Variants in GMDS observed in about 807,000 individuals in gnomAD.
GMDS encodes the protein GDP-mannose 4,6 dehydratase.
GMDS carries 20 observed loss-of-function variants against 49.9 expected under a neutral mutation model. The observed-to-expected ratio is 0.40, with a 90% CI of 0.28 to 0.58. The LOEUF is 0.58. Among genes scored for constraint, GMDS ranks in the 20% least tolerant of loss-of-function variants. The probability of loss-of-function intolerance (pLI) is 0.42; values close to 1 mark genes in which losing one functional copy is unlikely to be tolerated. For synonymous variants in GMDS, 177 were observed against 178.6 expected (o/e 0.99, Z 0.07); for missense variants, 362 against 481.4 (o/e 0.75, Z 2.32).
At chr6:2,110,757 G>A (rs531191378) in intron 4 of GMDS, among the ~76,000 whole-genome samples, 1 of 152,278 alleles carries the variant, frequency 6.6e-6, no homozygotes, top group Admixed American at 6.5e-5. Flanking sequence ...AACTTACACA[G>A]AGACTTGAAA....
chr6:2,005,288 C>G lies in GMDS; in HGVS notation c.346-44322G>C, dbSNP rs140574222. Among the ~76,000 whole-genome samples the G allele has an allele frequency of 4.9e-3, 740 of 152,180 alleles. 11 individuals carry two copies. The highest frequency in any genetic ancestry group is 0.037 in the Middle Eastern group (11 of 294). ...CAATATGTTAAGTATCACTAGGATT[C>G]AGGGAATTCAACTGTATGGTCCAAG... On this transcript the variant is annotated intron_variant, in intron 4 of 10. Coordinates refer to ENST00000380815, the MANE Select transcript of GMDS (RefSeq NM_001500.4).
At chr6:1,711,186 T>G (rs536790475) in intron 9 of GMDS, among the ~76,000 whole-genome samples, 1 of 152,370 alleles carries the variant, frequency 6.6e-6, no homozygotes, top group African/African-American at 2.4e-5. Context: ...AACCCAACTG[T>G]GTGCATCATT....
At chr6:1,699,578 C>G (rs1026670082) in intron 9 of GMDS, among the ~76,000 whole-genome samples, 15 of 152,144 alleles carry the variant, frequency 9.9e-5, no homozygotes, top group African/African-American at 3.4e-4. Context: ...CGCCTACACC[C>G]CTTGGCTCGC....
intron 1 of GMDS, among the ~76,000 whole-genome samples, chr6:2,239,177 A>C (rs1781500029): frequency 6.6e-6 from 1 of 152,120 alleles, no homozygotes; most frequent in South Asian, 2.1e-4. Context: ...AAAAATACAA[A>C]AATTAGTTGG....
chr6:1,808,535 T>A (rs887914641), intron 7 of GMDS, among the ~76,000 whole-genome samples: 2 of 152,208 alleles, frequency 1.3e-5, no homozygotes, highest in South Asian at 4.1e-4. Flanking sequence ...TATTGATCAC[T>A]ATTTAGAGCT....
chr6:2,124,628 T>C, intron 2 of GMDS, 59 bp downstream of exon 2: 1 of 1,247,862 alleles, frequency 8.0e-7, no homozygotes, highest in Non-Finnish European at 1.2e-6. Flanking sequence ...AGGAAGCATG[T>C]GGCCGCTGCA....
At chr6:1,683,077 G>A (rs1396752097) in intron 9 of GMDS, among the ~76,000 whole-genome samples, 1 of 152,106 alleles carries the variant, frequency 6.6e-6, no homozygotes, top group Non-Finnish European at 1.5e-5. Flanking sequence ...TGTCTCTTTG[G>A]GACTGGCTCC....
chr6:1,684,184 G>A (rs62388274), intron 9 of GMDS, among the ~76,000 whole-genome samples: 53,844 of 151,948 alleles, frequency 0.35, 9,840 homozygotes, highest in East Asian at 0.49. Flanking sequence ...TGACTTCACC[G>A]TGCTGTGTGA....
intron 6 of GMDS, among the ~76,000 whole-genome samples, chr6:1,956,973 T>C (rs950753272): frequency 1.7e-4 from 26 of 152,048 alleles, no homozygotes; most frequent in African/African-American, 5.8e-4. Context: ...AGCTAATTTT[T>C]TGTATTTTTA....
At chr6:1,749,994 G>A (rs1767659129) in intron 7 of GMDS, among the ~76,000 whole-genome samples, 1 of 152,040 alleles carries the variant, frequency 6.6e-6, no homozygotes, top group African/African-American at 2.4e-5. Flanking sequence ...ACCACACTTG[G>A]CTAATGCTTT....
intron 9 of GMDS, among the ~76,000 whole-genome samples, chr6:1,714,960 T>C (rs774158863): frequency 2.6e-5 from 4 of 152,192 alleles, no homozygotes; most frequent in Non-Finnish European, 5.9e-5. Flanking sequence ...GGAGCACATC[T>C]GGAGTGCTGA....
At chr6:2,176,121 A>G (rs1274891226) in intron 1 of GMDS, 1 of 645,308 alleles carries the variant, frequency 1.5e-6, no homozygotes, top group Admixed American at 2.9e-5. Context: ...CCCTTCTACA[A>G]CCAGGGATGA....
intron 4 of GMDS, among the ~76,000 whole-genome samples, chr6:2,074,160 T>C (rs893804456): frequency 6.6e-6 from 1 of 152,228 alleles, no homozygotes; most frequent in African/African-American, 2.4e-5. Context: ...CCCTTTCCTC[T>C]ATATCCTTGC....
chr6:1,780,089 G>A (rs1227276122), intron 7 of GMDS, among the ~76,000 whole-genome samples: 1 of 152,206 alleles, frequency 6.6e-6, no homozygotes, highest in East Asian at 1.9e-4. Flanking sequence ...ACGCCAAATC[G>A]AAAAAGAGCG....
intron 9 of GMDS, among the ~76,000 whole-genome samples, chr6:1,682,284 A>G (rs1764817082): frequency 6.6e-6 from 1 of 152,250 alleles, no homozygotes; most frequent in African/African-American, 2.4e-5. Context: ...AAAGATAGGT[A>G]CACTTCATAA....
chr6:1,730,473 A>G (rs947592105), intron 8 of GMDS, among the ~76,000 whole-genome samples: 4 of 152,148 alleles, frequency 2.6e-5, no homozygotes, highest in Non-Finnish European at 4.4e-5. Flanking sequence ...CCTGATTGCA[A>G]ATCTCCATAG....
chr6:1,626,440 C>T (rs567778267), intron 9 of GMDS, among the ~76,000 whole-genome samples: 14 of 152,218 alleles, frequency 9.2e-5, no homozygotes, highest in African/African-American at 2.9e-4. Context: ...AGCAGAAAAA[C>T]GAAGTAATTT....
intron 4 of GMDS, among the ~76,000 whole-genome samples, chr6:1,994,204 T>G (rs1461761926): frequency 1.3e-5 from 2 of 152,216 alleles, no homozygotes; most frequent in Non-Finnish European, 2.9e-5. Context: ...CTTGTTCTTT[T>G]TATGCTAAAA....
chr6:1,718,909 A>C (rs1766269045), intron 9 of GMDS, among the ~76,000 whole-genome samples: 1 of 151,978 alleles, frequency 6.6e-6, no homozygotes, highest in Non-Finnish European at 1.5e-5. Context: ...AAATCCTAAA[A>C]CCTGCAGAAT....
Sources: gnomAD v4.1 joint callset for allele counts (sites outside exome capture counted in the v4.1 genomes callset) on GRCh38, gnomAD v4.1.1 for gene constraint, MANE v1.5 for transcripts, NCBI Gene and HGNC (gene_info 2026-07-23, HGNC 2026-07-21) for gene names.